The following CPO variants were observed in gnomAD, a reference collection of about 807,000 sequenced individuals.
CPO encodes metallocarboxypeptidase C.
CPO carries 43 observed loss-of-function variants against 41.2 expected under a neutral mutation model. That is an observed-to-expected ratio of 1.04 (90% confidence interval 0.82 to 1.35). The LOEUF is 1.35. CPO is among the 40% of genes most tolerant of loss of function. The pLI is 0.00. For missense variants in CPO, 408 were observed against 451.7 expected, an observed-to-expected ratio of 0.90 and a Z score of 0.88; for synonymous variants, 178 against 162.7, an observed-to-expected ratio of 1.09 and a Z score of -0.72.
intron 1 of CPO, 108 bp from the exon 2 acceptor site, chr2:206,949,509 C>G: frequency 1.4e-6 from 1 of 731,198 alleles, no homozygotes; most frequent in Non-Finnish European, 2.4e-6. Context: ...GGCTTTTGTC[C>G]TCCAAGTCCT....
At chr2:206,947,694 A>G (rs967635663) in intron 1 of CPO, among the ~76,000 whole-genome samples, 8 of 152,194 alleles carry the variant, frequency 5.3e-5, no homozygotes, top group Non-Finnish European at 1.0e-4. Flanking sequence ...TAACTCTTAA[A>G]ACTCAACAAC....
At chr2:206,957,770 G>A (rs975563240) in intron 3 of CPO, among the ~76,000 whole-genome samples, 6 of 152,214 alleles carry the variant, frequency 3.9e-5, no homozygotes, top group Non-Finnish European at 7.3e-5. Context: ...GAGAAGGAAA[G>A]AAGATTGGGC....
chr2:206,956,442 C>T (rs1310321467), intron 3 of CPO, among the ~76,000 whole-genome samples: 1 of 151,282 alleles, frequency 6.6e-6, no homozygotes, highest in Non-Finnish European at 1.5e-5. Flanking sequence ...AGCATCACCA[C>T]CTGAGGGCTT....
intron 7 of CPO, among the ~76,000 whole-genome samples, chr2:206,965,738 T>C (rs1304213316): frequency 1.3e-5 from 2 of 151,728 alleles, no homozygotes; most frequent in African/African-American, 4.8e-5. Context: ...AGAGAAGGAG[T>C]TGTTAAGCGG....
chr2:206,967,350 TAG>T (rs1491240036), intron 7 of CPO, among the ~76,000 whole-genome samples: 1,241 of 111,946 alleles, frequency 0.011, 22 homozygotes, highest in African/African-American at 0.038. Context: ...TATATATATA[TAG>T]ATATATAGAT....
intron 1 of CPO, among the ~76,000 whole-genome samples, chr2:206,948,698 C>T (rs1435995172): frequency 6.6e-6 from 1 of 152,166 alleles, no homozygotes; most frequent in Non-Finnish European, 1.5e-5. Context: ...GAGCCCAAGG[C>T]TGCAGTGAGC....
chr2:206,960,348 G>A (rs896175064), intron 5 of CPO, among the ~76,000 whole-genome samples: 4 of 152,154 alleles, frequency 2.6e-5, no homozygotes, highest in African/African-American at 9.7e-5. Context: ...CTGGCCTGGT[G>A]TGTGAATCGA....
chr2:206,950,828 G>T (rs1693246814), intron 2 of CPO, among the ~76,000 whole-genome samples: 1 of 148,768 alleles, frequency 6.7e-6, no homozygotes, highest in African/African-American at 2.5e-5. Flanking sequence ...CACAAGGACA[G>T]AAAACCAAAC....
chr2:206,960,745 A>G (rs1454471406), intron 5 of CPO, 107 bp from the exon 6 acceptor site: 4 of 820,814 alleles, frequency 4.9e-6, no homozygotes, highest in Non-Finnish European at 8.3e-6. Context: ...AAGTTCTTCC[A>G]GATAATCCTA....
intron 5 of CPO, 132 bp downstream of exon 5, chr2:206,959,873 A>G (rs1265296888): frequency 3.8e-6 from 2 of 520,084 alleles, no homozygotes; most frequent in Non-Finnish European, 7.0e-6. Flanking sequence ...CCCATTTGGG[A>G]TAAAAATCAG....
At chr2:206,963,389 T>C (rs1396637316) in intron 7 of CPO, among the ~76,000 whole-genome samples, 1 of 152,238 alleles carries the variant, frequency 6.6e-6, no homozygotes, top group Non-Finnish European at 1.5e-5. Flanking sequence ...TCTTAACCAT[T>C]GTTAAAGTAT....
Position 206,962,163 on chromosome 2 carries a change from C to T in CPO, c.575-249C>T, listed in dbSNP as rs74763559. ...CCATTTCATTTTGTATCCCCTTTCCCGGGCCATGGAAGCATGGAGTTTGTT... is the reference window on the plus strand; with the variant it reads ...CCATTTCATTTTGTATCCCCTTTCCTGGGCCATGGAAGCATGGAGTTTGTT... On this transcript the variant is annotated intron_variant, in intron 6 of 8. Transcript: ENST00000272852. Among the ~76,000 whole-genome samples, 386 of 151,978 alleles carry T rather than the reference C, an allele frequency of 2.5e-3. 1 individual carries two copies. Among genetic ancestry groups the T allele is most frequent in the Non-Finnish European group, 4.1e-3 (281 of 67,954 alleles).
intron 1 of CPO, among the ~76,000 whole-genome samples, chr2:206,942,508 A>C (rs1468610085): frequency 1.3e-5 from 2 of 152,132 alleles, no homozygotes; most frequent in African/African-American, 4.8e-5. Flanking sequence ...TAAAATACAA[A>C]ATTTGCCTCA....
intron 4 of CPO, 53 bp from the exon 5 acceptor site, chr2:206,959,578 A>G (rs1040674531): frequency 2.4e-6 from 2 of 850,930 alleles, no homozygotes; most frequent in African/African-American, 1.7e-5. Flanking sequence ...GTAGAAAATT[A>G]AGAGAGAAAA....
intron 1 of CPO, among the ~76,000 whole-genome samples, chr2:206,947,767 A>G (rs1451480832): frequency 1.3e-5 from 2 of 152,222 alleles, no homozygotes; most frequent in African/African-American, 4.8e-5. Context: ...TCATCAAAGA[A>G]AATATAGAGA....
chr2:206,942,564 T>C (rs1693049062), intron 1 of CPO, among the ~76,000 whole-genome samples: 1 of 152,156 alleles, frequency 6.6e-6, no homozygotes, highest in Non-Finnish European at 1.5e-5. Context: ...CCAGTCAAAA[T>C]GCTATCAGAC....
chr2:206,956,639 A>C, intron 3 of CPO, among the ~76,000 whole-genome samples: 1 of 152,202 alleles, frequency 6.6e-6, no homozygotes, highest in East Asian at 1.9e-4. Context: ...ACCACAGTGC[A>C]TTTCTAACAA....
intron 1 of CPO, among the ~76,000 whole-genome samples, chr2:206,942,809 T>C (rs946932693): frequency 6.6e-6 from 1 of 152,212 alleles, no homozygotes; most frequent in Non-Finnish European, 1.5e-5. Context: ...TAGCCTTTTC[T>C]AAGTATATGG....
intron 4 of CPO, among the ~76,000 whole-genome samples, chr2:206,959,118 G>A (rs1478737286): frequency 6.6e-6 from 1 of 152,080 alleles, no homozygotes; most frequent in Non-Finnish European, 1.5e-5. Context: ...AAGAGACTTA[G>A]CATATGGAAA....
Sources: gnomAD v4.1 joint callset for allele counts (sites outside exome capture counted in the v4.1 genomes callset) on GRCh38, gnomAD v4.1.1 for gene constraint, MANE v1.5 for transcripts, NCBI Gene and HGNC (gene_info 2026-07-23, HGNC 2026-07-21) for gene names.